The following DEPDC1B variants were observed in gnomAD, a reference collection of about 807,000 sequenced individuals.
DEPDC1B encodes the protein DEP domain-containing protein 1B.
Under a neutral mutation model 66.5 loss-of-function variants are expected in DEPDC1B, and 51 were observed. The observed-to-expected ratio is 0.77, with a 90% CI of 0.61 to 0.97. DEPDC1B has a LOEUF of 0.97. Ranked by LOEUF, DEPDC1B falls within the 50% of genes least tolerant of loss-of-function variation. The pLI, the probability that DEPDC1B is intolerant of heterozygous loss-of-function variation, is 0.00. For missense variants in DEPDC1B, 552 were observed against 637.1 expected, an observed-to-expected ratio of 0.87 and a Z score of 1.44; for synonymous variants, 226 against 223.6, an observed-to-expected ratio of 1.01 and a Z score of -0.10.
At chr5:60,625,866 A>G (rs1352160130) in intron 7 of DEPDC1B, among the ~76,000 whole-genome samples, 1 of 151,994 alleles carries the variant, frequency 6.6e-6, no homozygotes, top group African/African-American at 2.4e-5. Flanking sequence ...TATTGTGTGT[A>G]TTCAAGCTCA....
chr5:60,660,131 T>G (rs1370194981), intron 2 of DEPDC1B, among the ~76,000 whole-genome samples: 1 of 151,060 alleles, frequency 6.6e-6, no homozygotes. Flanking sequence ...CCAAAATCCA[T>G]CTACAAGGAG....
chr5:60,636,443 GAA>G (rs1753045760), intron 7 of DEPDC1B, among the ~76,000 whole-genome samples: 1 of 152,130 alleles, frequency 6.6e-6, no homozygotes, highest in South Asian at 2.1e-4. Context: ...CACTTCCATT[GAA>G]AACACTGTAG....
At chr5:60,643,457 C>T (rs996711387) in intron 5 of DEPDC1B, among the ~76,000 whole-genome samples, 1 of 152,190 alleles carries the variant, frequency 6.6e-6, no homozygotes, top group African/African-American at 2.4e-5. Context: ...GAATCTCTTC[C>T]CTCCACGCCC....
chr5:60,674,375 A>AT (rs1754111270), intron 2 of DEPDC1B, among the ~76,000 whole-genome samples: 1 of 152,254 alleles, frequency 6.6e-6, no homozygotes, highest in Non-Finnish European at 1.5e-5. Flanking sequence ...TCAACATTCT[A>AT]TTTAACACAC....
intron 2 of DEPDC1B, among the ~76,000 whole-genome samples, chr5:60,663,306 T>C (rs1004828499): frequency 2.6e-5 from 4 of 152,122 alleles, no homozygotes; most frequent in Non-Finnish European, 1.5e-5. Context: ...TCCAAAAGAT[T>C]GTTAAGGACC....
intron 7 of DEPDC1B, among the ~76,000 whole-genome samples, 179 bp downstream of exon 7, chr5:60,638,571 A>T (rs1753113287): frequency 6.6e-6 from 1 of 152,204 alleles, no homozygotes; most frequent in African/African-American, 2.4e-5. Flanking sequence ...ATAGAGCTTA[A>T]CCACTTTCTT....
intron 7 of DEPDC1B, among the ~76,000 whole-genome samples, chr5:60,625,968 G>C (rs1387140776): frequency 6.6e-6 from 1 of 152,032 alleles, no homozygotes; most frequent in Non-Finnish European, 1.5e-5. Context: ...AACTCCTAAA[G>C]TCAAATTTAG....
At chr5:60,624,008 G>A (rs2111796538) in intron 7 of DEPDC1B, among the ~76,000 whole-genome samples, 1 of 152,078 alleles carries the variant, frequency 6.6e-6, no homozygotes, top group South Asian at 2.1e-4. Context: ...ATGCCTTTAA[G>A]GCATGAAAGC....
chr5:60,675,903 CT>C (rs35113345), intron 2 of DEPDC1B, among the ~76,000 whole-genome samples: 20,238 of 138,602 alleles, frequency 0.15, 2,698 homozygotes, highest in African/African-American at 0.36. Flanking sequence ...TTTCTTTTTT[CT>C]TTTTTTTTTT....
rs1169909426 is a variant in DEPDC1B, at chr5:60,619,871, G to A, written c.899-14015C>T. On this transcript the variant is annotated intron_variant, in intron 7 of 10. Coordinates refer to ENST00000265036, the MANE Select transcript of DEPDC1B (RefSeq NM_018369.3). ...AAAAGAACAAAGCTGGAGGCATCAC[G>A]GTACCTGACTTCAAACTATACTACA... 3.3e-5 allele frequency among the ~76,000 whole-genome samples: 5 copies of A among 152,026 alleles called. No homozygotes were observed. The East Asian group carries it at 5.8e-4, about 18-fold the overall frequency.
At chr5:60,615,919 G>A (rs1203347705) in intron 7 of DEPDC1B, among the ~76,000 whole-genome samples, 8 of 152,172 alleles carry the variant, frequency 5.3e-5, no homozygotes, top group Non-Finnish European at 1.2e-4. Context: ...CACCTCACAT[G>A]GCCGGGTACT....
At chr5:60,625,405 G>A (rs551717198) in intron 7 of DEPDC1B, among the ~76,000 whole-genome samples, 13 of 152,230 alleles carry the variant, frequency 8.5e-5, no homozygotes, top group South Asian at 4.2e-4. Context: ...TCCAGCATCC[G>A]TTGTTTCCTG....
At chr5:60,650,326 G>T (rs376495310) in intron 2 of DEPDC1B, among the ~76,000 whole-genome samples, 1 of 152,108 alleles carries the variant, frequency 6.6e-6, no homozygotes, top group African/African-American at 2.4e-5. Flanking sequence ...AACATAATAC[G>T]GCAATACTGA....
At chr5:60,688,736 T>C (rs1324213487) in intron 1 of DEPDC1B, among the ~76,000 whole-genome samples, 1 of 152,130 alleles carries the variant, frequency 6.6e-6, no homozygotes, top group East Asian at 1.9e-4. Flanking sequence ...GTTAACACTT[T>C]TCTCTAGGAA....
chr5:60,684,392 A>G (rs1196920069), intron 2 of DEPDC1B, among the ~76,000 whole-genome samples: 4 of 152,228 alleles, frequency 2.6e-5, no homozygotes, highest in Non-Finnish European at 1.5e-5. Flanking sequence ...TGTTGGTATA[A>G]AAATATACAT....
At chr5:60,677,775 G>A (rs1211496768) in intron 2 of DEPDC1B, among the ~76,000 whole-genome samples, 1 of 152,128 alleles carries the variant, frequency 6.6e-6, no homozygotes, top group Non-Finnish European at 1.5e-5. Context: ...GAAAACCAAT[G>A]CCCAGTAAGG....
intron 7 of DEPDC1B, among the ~76,000 whole-genome samples, chr5:60,615,351 C>T (rs368446327): frequency 5.3e-5 from 8 of 152,130 alleles, no homozygotes; most frequent in Non-Finnish European, 7.4e-5. Context: ...GGTGACGCAT[C>T]GCCTCACCTG....
chr5:60,609,644 G>T (rs911215432), intron 7 of DEPDC1B, among the ~76,000 whole-genome samples: 1 of 152,110 alleles, frequency 6.6e-6, no homozygotes, highest in Non-Finnish European at 1.5e-5. Flanking sequence ...GGACTGGTTA[G>T]GTCTATAACA....
intron 1 of DEPDC1B, among the ~76,000 whole-genome samples, chr5:60,695,028 G>A (rs910045299): frequency 1.3e-5 from 2 of 152,106 alleles, no homozygotes; most frequent in Non-Finnish European, 2.9e-5. Context: ...TCCCTATCCT[G>A]AGGTATTAAA....
Sources: gnomAD v4.1 joint callset for allele counts (sites outside exome capture counted in the v4.1 genomes callset) on GRCh38, gnomAD v4.1.1 for gene constraint, MANE v1.5 for transcripts, NCBI Gene and HGNC (gene_info 2026-07-23, HGNC 2026-07-21) for gene names.